The following SCIN variants were observed in gnomAD, a reference collection of about 807,000 sequenced individuals.
SCIN encodes the protein adseverin.
Under a neutral mutation model 91.8 loss-of-function variants are expected in SCIN, and 91 were observed. That is an observed-to-expected ratio of 0.99 (90% CI 0.84 to 1.18). The LOEUF (loss-of-function observed/expected upper bound fraction) is 1.18. Ranked by LOEUF, SCIN falls within the 50% of genes most tolerant of loss-of-function variation. SCIN has a pLI of 0.00. For missense variants in SCIN, 1,087 were observed against 863.9 expected (o/e 1.26, Z -3.24); for synonymous variants, 367 against 312.6 (o/e 1.17, Z -1.84).
chr7:12,620,254 A>G (rs1562619238), intron 4 of SCIN, among the ~76,000 whole-genome samples: 1 of 152,118 alleles, frequency 6.6e-6, no homozygotes, highest in Admixed American at 6.6e-5. Context: ...AGTATAAACT[A>G]CATTATTAAT....
intron 3 of SCIN, among the ~76,000 whole-genome samples, chr7:12,603,761 G>A (rs911910793): frequency 9.9e-5 from 15 of 151,974 alleles, no homozygotes; most frequent in East Asian, 3.9e-4. Context: ...TTCATGTTTC[G>A]ATGTTAAAGT....
At chr7:12,623,248 G>A (rs1783446838) in intron 5 of SCIN, among the ~76,000 whole-genome samples, 1 of 152,038 alleles carries the variant, frequency 6.6e-6, no homozygotes, top group South Asian at 2.1e-4. Flanking sequence ...TTCTTGATAA[G>A]AATGTAAAGT....
chr7:12,608,175 T>C (rs149809368), intron 4 of SCIN, among the ~76,000 whole-genome samples: 1 of 152,220 alleles, frequency 6.6e-6, no homozygotes, highest in African/African-American at 2.4e-5. Context: ...TGTATTTTGA[T>C]ATTTTAATAG....
intron 4 of SCIN, among the ~76,000 whole-genome samples, chr7:12,605,571 G>T (rs953708478): frequency 6.6e-6 from 1 of 152,110 alleles, no homozygotes; most frequent in Non-Finnish European, 1.5e-5. Context: ...TATATGCACA[G>T]CCTGAAGATA....
At chr7:12,635,399 C>G (rs1041902677) in intron 9 of SCIN, among the ~76,000 whole-genome samples, 1 of 151,126 alleles carries the variant, frequency 6.6e-6, no homozygotes, top group Non-Finnish European at 1.5e-5. Flanking sequence ...ATCATGAGGT[C>G]AGGAGTTTGA....
chr7:12,598,979 T>A (rs1328244342), intron 3 of SCIN, among the ~76,000 whole-genome samples: 1 of 152,246 alleles, frequency 6.6e-6, no homozygotes, highest in African/African-American at 2.4e-5. Context: ...CATTCTGACT[T>A]TTAGCCATTT....
At chr7:12,616,779 G>A (rs549188702) in intron 4 of SCIN, among the ~76,000 whole-genome samples, 15 of 152,224 alleles carry the variant, frequency 9.9e-5, no homozygotes, top group South Asian at 8.3e-4. Context: ...CAGAGAATTC[G>A]TTTTATAATC....
rs200934510 is a variant in SCIN at position 12,576,512 on chromosome 7, G to C, written c.200-1552G>C. 3.3e-5 allele frequency among the ~76,000 whole-genome samples: 5 copies of C among 152,186 alleles called. No individual in the cohort carries two copies. The East Asian group carries it at 9.7e-4, about 29-fold the overall frequency. On this transcript the variant is annotated intron_variant, in intron 1 of 15. Coordinates refer to ENST00000297029, the MANE Select transcript of SCIN (RefSeq NM_001112706.3). The stretch of plus-strand genomic sequence containing the variant: ...CAACTTTGGTGAATACTGTCAGTTA[G>C]GGTTGTTCATGTGAACTATTAAATT...
chr7:12,577,644 G>A (rs962311262), intron 1 of SCIN: 9 of 454,388 alleles, frequency 2.0e-5, no homozygotes, highest in Non-Finnish European at 3.5e-5. Flanking sequence ...TTGAGGCCAG[G>A]AGTTTGAGAC....
chr7:12,619,472 C>A (rs1783362287), intron 4 of SCIN, among the ~76,000 whole-genome samples: 1 of 152,066 alleles, frequency 6.6e-6, no homozygotes, highest in Non-Finnish European at 1.5e-5. Context: ...CTGCCTGATC[C>A]TTTTATCTGA....
At chr7:12,608,584 T>A (rs1162722902) in intron 4 of SCIN, among the ~76,000 whole-genome samples, 1 of 152,132 alleles carries the variant, frequency 6.6e-6, no homozygotes, top group Non-Finnish European at 1.5e-5. Context: ...TTCAAGTGAT[T>A]CTCCTGCCTC....
At chr7:12,610,859 G>T (rs186007552) in intron 4 of SCIN, among the ~76,000 whole-genome samples, 1 of 152,274 alleles carries the variant, frequency 6.6e-6, no homozygotes, top group African/African-American at 2.4e-5. Context: ...TAGGCAGATG[G>T]CATATACTCC....
chr7:12,617,136 G>T (rs936043443), intron 4 of SCIN, among the ~76,000 whole-genome samples: 11 of 152,084 alleles, frequency 7.2e-5, no homozygotes, highest in African/African-American at 2.4e-4. Context: ...CCAGTAATTT[G>T]CAGGGTTGTA....
rs1218845518 is a variant in SCIN at position 12,625,758 on chromosome 7, T to G, written c.893-4T>G. 7.6e-6 allele frequency: 12 copies of G among 1,588,702 alleles called. No homozygotes were observed. Among genetic ancestry groups the G allele is most frequent in the Non-Finnish European group, 9.5e-6 (11 of 1,161,340 alleles). The stretch of plus-strand genomic sequence containing the variant: ...CTTTCTCTTTAATTTACCTTGTATT[T>G]TAGGTAAAGATGCTAATCCCCAAGA... On this transcript the variant is annotated splice_polypyrimidine_tract_variant and splice_region_variant and intron_variant, in intron 6 of 15. Coordinates refer to ENST00000297029, the MANE Select transcript of SCIN (RefSeq NM_001112706.3).
chr7:12,571,327 A>G (rs914927292), intron 1 of SCIN: 2 of 377,146 alleles, frequency 5.3e-6, no homozygotes, highest in Non-Finnish European at 9.9e-6. Flanking sequence ...GCCTCAGCGC[A>G]CACCGTCTCT....
At chr7:12,578,468 T>G (rs569729550) in intron 2 of SCIN, among the ~76,000 whole-genome samples, 10 of 152,302 alleles carry the variant, frequency 6.6e-5, no homozygotes, top group Non-Finnish European at 1.3e-4. Context: ...AGGTTAATTT[T>G]TTAAAAGAGC....
At chr7:12,642,968 CT>C (rs1783886315) in intron 11 of SCIN, among the ~76,000 whole-genome samples, 1 of 152,158 alleles carries the variant, frequency 6.6e-6, no homozygotes, top group African/African-American at 2.4e-5. Context: ...ACGGATTCTT[CT>C]GTGTTTAATT....
intron 13 of SCIN, among the ~76,000 whole-genome samples, chr7:12,647,775 C>G (rs1243387925): frequency 1.3e-5 from 2 of 152,186 alleles, no homozygotes; most frequent in African/African-American, 4.8e-5. Context: ...ATCTCAAAAT[C>G]TCATCAGATT....
chr7:12,602,612 C>G (rs1782981413), intron 3 of SCIN, among the ~76,000 whole-genome samples: 1 of 152,062 alleles, frequency 6.6e-6, no homozygotes, highest in African/African-American at 2.4e-5. Context: ...CAATTCCTTT[C>G]CTAGGGTCTT....
Sources: allele counts gnomAD v4.1 joint callset (sites outside exome capture counted in the v4.1 genomes callset), GRCh38; gene constraint gnomAD v4.1.1; transcripts MANE v1.5; gene names NCBI Gene and HGNC (gene_info 2026-07-23, HGNC 2026-07-21).